The following DYM variants were observed in gnomAD, a reference collection of about 807,000 sequenced individuals.
The protein encoded by DYM is dyggve-Melchior-Clausen syndrome protein.
A neutral mutation model predicts 93.1 loss-of-function variants in DYM; 78 were observed. The observed-to-expected ratio is 0.84, with a 90% CI of 0.70 to 1.01. The LOEUF (loss-of-function observed/expected upper bound fraction) is 1.01, where lower values mean the gene tolerates loss of function less well. Ranked by LOEUF, DYM falls within the 50% of genes least tolerant of loss-of-function variation. The probability of loss-of-function intolerance (pLI) is 0.00; values close to 1 mark genes in which losing one functional copy is unlikely to be tolerated. For synonymous variants in DYM, 321 were observed against 319.7 expected, an observed-to-expected ratio of 1.00 and a Z score of -0.04; for missense variants, 789 against 845.0, an observed-to-expected ratio of 0.93 and a Z score of 0.82.
intron 6 of DYM, among the ~76,000 whole-genome samples, chr18:49,353,679 T>C (rs1313967692): frequency 6.6e-6 from 1 of 151,958 alleles, no homozygotes; most frequent in Non-Finnish European, 1.5e-5. Flanking sequence ...TACATTTACA[T>C]TAAGAACCAA....
chr18:49,167,150 A>G (rs994914945), intron 14 of DYM, among the ~76,000 whole-genome samples: 2 of 152,062 alleles, frequency 1.3e-5, no homozygotes, highest in South Asian at 4.2e-4. Context: ...AGCAAAAAAC[A>G]CTTGAAACTG....
At chr18:49,292,862 C>T (rs915630324) in intron 8 of DYM, among the ~76,000 whole-genome samples, 1 of 152,082 alleles carries the variant, frequency 6.6e-6, no homozygotes, top group African/African-American at 2.4e-5. Flanking sequence ...TTATGGGATA[C>T]ATGTACAGAA....
rs990433576 is a variant in DYM, at chr18:49,047,887, T to C, written c.2026-3683A>G. On this transcript the variant is annotated intron_variant, in intron 17 of 17. Coordinates refer to ENST00000675505, the MANE Select transcript of DYM (RefSeq NM_001353214.3). ...CCCGCGCTCCCCATACATCATGCCG[T>C]CTGAAGCTCCCACGGCATCCTGGTC... is the stretch of plus-strand genomic sequence containing the variant. Among the ~76,000 whole-genome samples, 3 of 152,214 alleles carry C rather than the reference T, an allele frequency of 2.0e-5. No homozygotes were observed. The East Asian group carries it at 5.8e-4, about 29-fold the overall frequency.
At chr18:49,374,426 G>C (rs1599753722) in intron 5 of DYM, among the ~76,000 whole-genome samples, 1 of 152,184 alleles carries the variant, frequency 6.6e-6, no homozygotes, top group Non-Finnish European at 1.5e-5. Context: ...CCTACTTAGT[G>C]ACTGAGAAAG....
chr18:49,232,798 C>T (rs764749602), intron 13 of DYM, among the ~76,000 whole-genome samples: 1 of 151,192 alleles, frequency 6.6e-6, no homozygotes, highest in Non-Finnish European at 1.5e-5. Flanking sequence ...TAGTAGAGAC[C>T]GGGTTTCACC....
At chr18:49,336,938 CTATAA>C in intron 6 of DYM, among the ~76,000 whole-genome samples, 1 of 152,226 alleles carries the variant, frequency 6.6e-6, no homozygotes, top group Middle Eastern at 3.4e-3. Flanking sequence ...ATCTTTCTTA[CTATAA>C]TATATGAGAC....
At chr18:49,192,107 T>C (rs1260079427) in intron 14 of DYM, among the ~76,000 whole-genome samples, 1 of 142,190 alleles carries the variant, frequency 7.0e-6, no homozygotes, top group Non-Finnish European at 1.5e-5. Flanking sequence ...TTTTTTTTTT[T>C]TTTTTTTTTT....
chr18:49,236,989 C>A (rs904656241), intron 13 of DYM, among the ~76,000 whole-genome samples: 3 of 152,306 alleles, frequency 2.0e-5, no homozygotes, highest in Non-Finnish European at 4.4e-5. Flanking sequence ...CCTAGCCCTA[C>A]CCTCTTGAAG....
chr18:49,452,161 T>G (rs2082571540), intron 1 of DYM, among the ~76,000 whole-genome samples: 1 of 152,194 alleles, frequency 6.6e-6, no homozygotes, highest in South Asian at 2.1e-4. Flanking sequence ...GTTTGTTCCT[T>G]CTGATGTTCG....
chr18:49,418,056 GTCT>G (rs1169519627), intron 2 of DYM: 2 of 78,952 alleles, frequency 2.5e-5, no homozygotes. Flanking sequence ...GTGAAACTCT[GTCT>G]GAAAAAAAAA....
chr18:49,320,134 A>G (rs1167307912), intron 8 of DYM, among the ~76,000 whole-genome samples: 1 of 152,212 alleles, frequency 6.6e-6, no homozygotes, highest in African/African-American at 2.4e-5. Context: ...CAGACCCCAC[A>G]TTCTTCATAT....
chr18:49,169,689 T>C (rs1378191820), intron 14 of DYM, among the ~76,000 whole-genome samples: 1 of 152,156 alleles, frequency 6.6e-6, no homozygotes, highest in Non-Finnish European at 1.5e-5. Context: ...CCATCTATGG[T>C]GGCCACAGAG....
At chr18:49,075,083 C>T (rs1433253155) in intron 17 of DYM, among the ~76,000 whole-genome samples, 1 of 152,178 alleles carries the variant, frequency 6.6e-6, no homozygotes, top group Non-Finnish European at 1.5e-5. Context: ...GCCAGGAAAC[C>T]TAGCTTTCAC....
rs1362143351 is a variant in DYM, at chr18:49,036,443, T to C, written c.*7612A>G. Among the ~76,000 whole-genome samples the C allele has an allele frequency of 1.3e-5, 2 of 152,152 alleles. No homozygotes were observed. Among genetic ancestry groups the C allele is most frequent in the Non-Finnish European group, 1.5e-5 (1 of 68,030 alleles). ...TACTTAATATATAAAACTGCACATA[T>C]GTAATAAAGTGTACAATTTGATTAG... On this transcript the variant is annotated 3_prime_UTR_variant, in exon 18 of 18. Transcript: ENST00000675505.
intron 8 of DYM, among the ~76,000 whole-genome samples, chr18:49,289,664 C>T (rs146158925): frequency 1.4e-3 from 200 of 145,476 alleles, no homozygotes; most frequent in African/African-American, 4.7e-3. Context: ...TAAGCTGTGA[C>T]TGTGCCACTG....
chr18:49,380,238 G>A (rs988722082), intron 3 of DYM, among the ~76,000 whole-genome samples: 6 of 152,110 alleles, frequency 3.9e-5, no homozygotes, highest in African/African-American at 1.4e-4. Flanking sequence ...GCTAGAAGGG[G>A]AGCTATTTGA....
intron 8 of DYM, among the ~76,000 whole-genome samples, chr18:49,331,244 C>T (rs1464901765): frequency 6.6e-6 from 1 of 152,198 alleles, no homozygotes; most frequent in Non-Finnish European, 1.5e-5. Context: ...GACCCAGGCC[C>T]TCCACCAGAA....
At chr18:49,178,054 C>T (rs76920664) in intron 14 of DYM, among the ~76,000 whole-genome samples, 6,048 of 152,060 alleles carry the variant, frequency 0.04, 392 homozygotes, top group African/African-American at 0.14. Flanking sequence ...ATACATAAAC[C>T]GAAACCACAA....
chr18:49,065,324 T>C (rs1412255785), intron 17 of DYM, among the ~76,000 whole-genome samples: 1 of 152,204 alleles, frequency 6.6e-6, no homozygotes, highest in Non-Finnish European at 1.5e-5. Flanking sequence ...CTCTAACTCA[T>C]ATTGCCTAGG....
Sources: gnomAD v4.1 joint callset for allele counts (sites outside exome capture counted in the v4.1 genomes callset) on GRCh38, gnomAD v4.1.1 for gene constraint, MANE v1.5 for transcripts, NCBI Gene and HGNC (gene_info 2026-07-23, HGNC 2026-07-21) for gene names.